The following ATAT1 variants were observed in gnomAD, a reference collection of about 807,000 sequenced individuals.
The protein encoded by ATAT1 is alpha tubulin acetyltransferase 1, also known as alpha-tubulin N-acetyltransferase 1.
ATAT1 carries 42 observed loss-of-function variants against 57.2 expected under a neutral mutation model. That is an observed-to-expected ratio of 0.73 (90% CI 0.57 to 0.95). The LOEUF is 0.95. Ranked by LOEUF, ATAT1 falls within the 40% of genes least tolerant of loss-of-function variation. The pLI is 0.00. For synonymous variants in ATAT1, 168 were observed against 187.1 expected (o/e 0.90, Z 0.83); for missense variants, 454 against 523.7 (o/e 0.87, Z 1.30).
intron 6 of ATAT1, among the ~76,000 whole-genome samples, chr6:30,630,534 G>A (rs1269946023): frequency 6.6e-6 from 1 of 152,030 alleles, no homozygotes; most frequent in African/African-American, 2.4e-5. Context: ...TACCCAGGAG[G>A]CTGAGGCAGG....
rs547232823 is a variant in ATAT1 at position 30,644,816 on chromosome 6, C to A, written c.933-1079C>A. The A allele has an allele frequency of 1.1e-4, 21 of 193,290 alleles. No individual in the cohort carries two copies. In the South Asian group the frequency reaches 3.8e-3, roughly 35 times the overall value. 12.0% of individuals were successfully genotyped at this position (193,290 alleles called of 1,614,324 possible). On this transcript the variant is annotated intron_variant, in intron 10 of 12. Coordinates refer to ENST00000330083, the MANE Select transcript of ATAT1 (RefSeq NM_001031722.4). ...GCTCCTGAGTCTGGTGTCTGCCTAT[C>A]CCCATCTTCACTGTTAGTCCTCCTG...
At chr6:30,639,643 AT>A (rs1363723136) in intron 6 of ATAT1, among the ~76,000 whole-genome samples, 2 of 151,456 alleles carry the variant, frequency 1.3e-5, no homozygotes, top group East Asian at 2.0e-4. Context: ...CATCCGGCTA[AT>A]TTTTTTGTAT....
intron 6 of ATAT1, among the ~76,000 whole-genome samples, chr6:30,632,292 G>A (rs113471988): frequency 7.1e-6 from 1 of 140,176 alleles, no homozygotes; most frequent in Non-Finnish European, 1.5e-5. Flanking sequence ...AAAAAAAATA[G>A]CGCCAGGTGT....
chr6:30,641,804 C>T (rs1258120703), intron 8 of ATAT1: 45 of 1,053,566 alleles, frequency 4.3e-5, no homozygotes, highest in East Asian at 7.8e-5. Context: ...CCAGGGTCCT[C>T]GTTGGCCCGG....
At chr6:30,633,699 G>A in intron 6 of ATAT1, 1 of 213,280 alleles carries the variant, frequency 4.7e-6, no homozygotes, top group Non-Finnish European at 1.1e-5. Flanking sequence ...AAGTTGTGGA[G>A]GAGGCAGAAA....
chr6:30,640,674 A>C, intron 8 of ATAT1, 71 bp downstream of exon 8: 1 of 1,563,848 alleles, frequency 6.4e-7, no homozygotes, highest in Non-Finnish European at 8.8e-7. Flanking sequence ...CACGGGGTAC[A>C]GTGCCATCTG....
intron 10 of ATAT1, chr6:30,643,696 A>T: frequency 6.8e-7 from 1 of 1,476,058 alleles, no homozygotes; most frequent in South Asian, 1.3e-5. Flanking sequence ...TCCCTCTTCT[A>T]CTTTCTTAGA....
At chr6:30,641,869 CA>C (rs1205133859) in intron 8 of ATAT1, 1 of 1,202,798 alleles carries the variant, frequency 8.3e-7, no homozygotes, top group Non-Finnish European at 1.0e-6. Flanking sequence ...CACCCACTGA[CA>C]GTAAGAGCTC....
intron 12 of ATAT1, 165 bp from the exon 13 acceptor site, chr6:30,646,304 C>T (rs1766721277): frequency 2.8e-6 from 4 of 1,448,566 alleles, no homozygotes; most frequent in Admixed American, 2.9e-5. Flanking sequence ...CTTTGGAATA[C>T]GGATTCTCTG....
chr6:30,644,013 G>A (rs1766108250), intron 10 of ATAT1: 3 of 997,656 alleles, frequency 3.0e-6, no homozygotes, highest in Non-Finnish European at 2.4e-6. Context: ...ATACTGCTTT[G>A]TGCTGCCTGC....
intron 6 of ATAT1, among the ~76,000 whole-genome samples, chr6:30,629,741 TC>T (rs1483930076): frequency 6.6e-6 from 1 of 151,982 alleles, no homozygotes; most frequent in Non-Finnish European, 1.5e-5. Context: ...AGATGGGGTT[TC>T]ACCGTGTTAG....
At chr6:30,634,688 GT>G (rs1399069230) in intron 6 of ATAT1, among the ~76,000 whole-genome samples, 4 of 121,960 alleles carry the variant, frequency 3.3e-5, no homozygotes, top group South Asian at 2.8e-4. Flanking sequence ...AAAAAACCTT[GT>G]TTAAAAAAAA....
rs757122878 is a variant in ATAT1 at position 30,646,000 on chromosome 6, C to G, written c.1012+26C>G. ...GTAAGTATTCACTCCTCCCTACCCT[C>G]AAATCAAGTAGGCCACATTCACTGT... On this transcript the variant is annotated intron_variant, in intron 11 of 12. Transcript: ENST00000330083. 11 of 1,602,686 alleles carry G rather than the reference C, an allele frequency of 6.9e-6. No individual in the cohort carries two copies. The South Asian group carries it at 1.2e-4, about 18-fold the overall frequency.
At chr6:30,632,297 A>C (rs1015063043) in intron 6 of ATAT1, among the ~76,000 whole-genome samples, 1 of 148,978 alleles carries the variant, frequency 6.7e-6, no homozygotes. Flanking sequence ...AAATAGCGCC[A>C]GGTGTGGTAT....
intron 6 of ATAT1, among the ~76,000 whole-genome samples, chr6:30,637,976 A>G (rs945560012): frequency 2.0e-5 from 3 of 152,114 alleles, no homozygotes; most frequent in African/African-American, 7.2e-5. Flanking sequence ...CTCCATCTCA[A>G]AAAAGATCTT....
chr6:30,632,268 T>TAA (rs3058942), intron 6 of ATAT1, among the ~76,000 whole-genome samples: 1,376 of 117,896 alleles, frequency 0.012, 8 homozygotes, highest in Middle Eastern at 0.019. Flanking sequence ...GACTCCTTCT[T>TAA]AAAAAAAAAA....
intron 10 of ATAT1, among the ~76,000 whole-genome samples, chr6:30,644,863 T>C (rs1186014489): frequency 1.3e-5 from 2 of 152,184 alleles, no homozygotes; most frequent in African/African-American, 4.8e-5. Flanking sequence ...TCTCCTTTCA[T>C]GTAGGTGCTG....
intron 8 of ATAT1, among the ~76,000 whole-genome samples, chr6:30,641,110 CACACAT>C (rs1220343496): frequency 1.0e-3 from 148 of 147,356 alleles, no homozygotes; most frequent in African/African-American, 2.6e-3. Context: ...ATCCCATATA[CACACAT>C]ACACACACAC....
intron 6 of ATAT1, among the ~76,000 whole-genome samples, chr6:30,637,494 C>G (rs1386240119): frequency 6.6e-6 from 1 of 151,926 alleles, no homozygotes; most frequent in Non-Finnish European, 1.5e-5. Context: ...ACCAGCCTGG[C>G]CAACATGGCG....
Sources: gnomAD v4.1 joint callset for allele counts (sites outside exome capture counted in the v4.1 genomes callset) on GRCh38, gnomAD v4.1.1 for gene constraint, MANE v1.5 for transcripts, NCBI Gene and HGNC (gene_info 2026-07-23, HGNC 2026-07-21) for gene names.